Variants in WNK1 observed in about 807,000 individuals in gnomAD.
WNK1 encodes WNK lysine deficient protein kinase 1, also known as serine/threonine-protein kinase WNK1.
WNK1 carries 38 observed loss-of-function variants against 222.8 expected under a neutral mutation model. The observed-to-expected ratio is 0.17, with a 90% CI of 0.13 to 0.22. WNK1 has a LOEUF of 0.22. WNK1 is among the 10% of genes least tolerant of loss of function. The pLI, the probability that WNK1 is intolerant of heterozygous loss-of-function variation, is 1.00. For synonymous variants in WNK1, 1,090 were observed against 1,092.9 expected (o/e 1.00, Z 0.05); for missense variants, 2,348 against 2,918.4 (o/e 0.80, Z 4.50).
intron 2 of WNK1, among the ~76,000 whole-genome samples, chr12:819,869 A>G (rs1434298946): frequency 6.6e-6 from 1 of 152,116 alleles, no homozygotes; most frequent in Non-Finnish European, 1.5e-5. Flanking sequence ...AAATTATTTA[A>G]TCATATGTAT....
At chr12:899,300 T>TTTTTTGTTTTTG (rs1555159999) in intron 25 of WNK1, among the ~76,000 whole-genome samples, 8 of 151,396 alleles carry the variant, frequency 5.3e-5, no homozygotes, top group African/African-American at 1.9e-4. Flanking sequence ...CAATCAGATC[T>TTTTTTGTTTTTG]TTTTTGTTTT....
chr12:863,488 C>T (rs1354286902), intron 8 of WNK1, among the ~76,000 whole-genome samples: 2 of 151,978 alleles, frequency 1.3e-5, no homozygotes, highest in African/African-American at 4.8e-5. Flanking sequence ...TACTTGTCAG[C>T]ATTTCTTGTC....
chr12:911,317 G>T lies in WNK1; in HGVS notation c.*2525G>T, dbSNP rs182657421. 399 of 398,516 alleles carry T rather than the reference G, an allele frequency of 1.0e-3. 5 individuals carry two copies. The highest frequency in any genetic ancestry group is 1.9e-4 in the Non-Finnish European group (42 of 226,070). 24.7% of individuals were successfully genotyped at this position (398,516 alleles called of 1,614,324 possible). ...AAATTCAAACTTTGGGGGTTTCTCA[G>T]CAGCCGTTAATTGTACATTTTGCAC... is the stretch of plus-strand genomic sequence containing the variant. On this transcript the variant is annotated 3_prime_UTR_variant, in exon 28 of 28. Transcript: ENST00000315939.
chr12:753,456 G>A lies in WNK1; in HGVS notation c.-110G>A. On this transcript the variant is annotated 5_prime_UTR_variant, in exon 1 of 28. Coordinates refer to ENST00000315939, the MANE Select transcript of WNK1 (RefSeq NM_018979.4). This position sits in a 1 kb window ranked among gnomAD's most constrained non-coding sequence, Gnocchi z 5.2. The stretch of plus-strand genomic sequence containing the variant: ...AGTGAGGCGTCGTCCGGGTCGGCGC[G>A]AACCCGCCCGGCCGCGGTTCCCTGC... 6.7e-7 allele frequency: 1 copy of A among 1,484,316 alleles called. No homozygotes were observed. Among genetic ancestry groups the A allele is most frequent in the Non-Finnish European group, 9.1e-7 (1 of 1,094,050 alleles). 91.9% of individuals were successfully genotyped at this position (1,484,316 alleles called of 1,614,324 possible). A position where few individuals can be genotyped will look rare whatever the true frequency, so the allele number is the denominator to read the frequency against.
intron 1 of WNK1, among the ~76,000 whole-genome samples, chr12:759,479 C>T (rs974309160): frequency 2.7e-5 from 4 of 146,712 alleles, no homozygotes; most frequent in East Asian, 2.0e-4. Flanking sequence ...TACAGGCGAG[C>T]GCCACCACGC....
chr12:901,455 C>A, intron 26 of WNK1: 1 of 624,808 alleles, frequency 1.6e-6, no homozygotes, highest in Non-Finnish European at 2.3e-6. Context: ...CTTCTGTGTG[C>A]CATCTTAGTG....
intron 15 of WNK1, 148 bp downstream of exon 15, chr12:883,207 G>A (rs1335346811): frequency 2.1e-6 from 2 of 956,768 alleles, no homozygotes; most frequent in Middle Eastern, 2.2e-4. Flanking sequence ...CACCCAACCT[G>A]TGATTTAGTG....
intron 1 of WNK1, among the ~76,000 whole-genome samples, chr12:769,792 G>A (rs1185926779): frequency 6.6e-6 from 1 of 152,110 alleles, no homozygotes; most frequent in Non-Finnish European, 1.5e-5. Flanking sequence ...CAGTTCTGTA[G>A]GCCTAGAAGT....
At chr12:851,632 T>C (rs1364952073) in intron 4 of WNK1, 12 of 1,286,252 alleles carry the variant, frequency 9.3e-6, no homozygotes, top group South Asian at 2.5e-5. Flanking sequence ...TGGGCTGATG[T>C]ACATCAGAGA....
intron 4 of WNK1, among the ~76,000 whole-genome samples, chr12:854,677 A>G (rs1247651323): frequency 6.6e-6 from 1 of 152,176 alleles, no homozygotes. Flanking sequence ...AAGAAAGTTT[A>G]TGCAGTTTTT....
chr12:855,110 TAA>T (rs750715329), intron 4 of WNK1, among the ~76,000 whole-genome samples: 1 of 152,236 alleles, frequency 6.6e-6, no homozygotes, highest in East Asian at 1.9e-4. Flanking sequence ...CCTATTTTCA[TAA>T]GTCTTAAGTT....
intron 1 of WNK1, among the ~76,000 whole-genome samples, chr12:794,758 G>A (rs1348139820): frequency 1.3e-5 from 2 of 152,048 alleles, no homozygotes; most frequent in Non-Finnish European, 2.9e-5. Flanking sequence ...AAATATTTAT[G>A]TATTCATTTA....
chr12:813,821 T>A lies in WNK1; in HGVS notation c.932+7T>A, dbSNP rs371166762. ...CGTCTGGAACACTTAAAACGTAAGT[T>A]CATCAGTATTACAAAAGCTGACCAA... On this transcript the variant is annotated splice_region_variant and intron_variant, in intron 2 of 27. Transcript: ENST00000315939. 1.4e-5 allele frequency: 22 copies of A among 1,613,272 alleles called. No individual in the cohort carries two copies. Among genetic ancestry groups the A allele is most frequent in the Non-Finnish European group, 1.8e-5 (21 of 1,179,652 alleles).
chr12:763,045 C>G (rs901786072), intron 1 of WNK1, among the ~76,000 whole-genome samples: 1 of 146,820 alleles, frequency 6.8e-6, no homozygotes, highest in African/African-American at 2.4e-5. Flanking sequence ...CACTCCTGGT[C>G]CGTATTTTTA....
At position 753,476 on chromosome 12, in the gene WNK1, C is replaced by T; in HGVS notation, c.-90C>T. 1 of 1,569,022 alleles carries T rather than the reference C, an allele frequency of 6.4e-7. No individual in the cohort carries two copies. Among genetic ancestry groups the T allele is most frequent in the Non-Finnish European group, 8.7e-7 (1 of 1,154,044 alleles). On this transcript the variant is annotated 5_prime_UTR_variant, in exon 1 of 28. Transcript: ENST00000315939. The surrounding 1 kb of genome is among the most constrained non-coding windows in gnomAD (Gnocchi z 5.2). ...GGCGCGAACCCGCCCGGCCGCGGTT[C>T]CCTGCAGACCTCTGCGCGGGCGGCT...
rs1261069102 is a variant in WNK1, at chr12:889,169, T to C, written c.5394T>C (p.Ala1798=). Residue 1798 remains alanine, a synonymous_variant, in exon 21 of 28, where the codon GCT becomes GCC. Coordinates refer to ENST00000315939, the MANE Select transcript of WNK1 (RefSeq NM_018979.4). ...QSQQPLEDLD[A]QLRRTLSPEM... ...AGCAACCTCTAGAGGATCTTGATGC[T>C]CAATTGAGAAGAACACTTAGTCCAG... is the stretch of plus-strand genomic sequence containing the variant. 1 of 1,614,130 alleles carries C rather than the reference T, an allele frequency of 6.2e-7. No individual in the cohort carries two copies. Among genetic ancestry groups the C allele is most frequent in the Non-Finnish European group, 8.5e-7 (1 of 1,179,988 alleles).
At chr12:887,591 A>G (rs1382140300) in intron 20 of WNK1, among the ~76,000 whole-genome samples, 1 of 152,136 alleles carries the variant, frequency 6.6e-6, no homozygotes, top group Non-Finnish European at 1.5e-5. Flanking sequence ...TCAGACCCAT[A>G]TAGCTCCCTT....
Position 754,228 on chromosome 12 carries a change from C to G in WNK1, c.663C>G (p.Leu221=), listed in dbSNP as rs1323697308. 6.2e-7 allele frequency: 1 copy of G among 1,613,770 alleles called. No homozygotes were observed. The highest frequency in any genetic ancestry group is 1.1e-5 in the South Asian group (1 of 91,090). Residue 221 remains leucine, a synonymous_variant, in exon 1 of 28, where the codon CTC becomes CTG. Transcript: ENST00000315939. ...AVGMSNDGRF[L]KFDIEIGRGS... Reference sequence around the variant, plus strand: ...GAATGTCTAACGATGGCCGCTTTCTCAAGTTTGACATCGAAATCGGCAGAG... The same window carrying G: ...GAATGTCTAACGATGGCCGCTTTCTGAAGTTTGACATCGAAATCGGCAGAG...
chr12:904,182 A>C (rs560655512), intron 26 of WNK1, among the ~76,000 whole-genome samples: 1 of 152,348 alleles, frequency 6.6e-6, no homozygotes, highest in African/African-American at 2.4e-5. Context: ...ACCTCAGTGC[A>C]GGGCATTACT....
Sources: gnomAD v4.1 joint callset for allele counts (sites outside exome capture counted in the v4.1 genomes callset) on GRCh38, gnomAD v4.1.1 for gene constraint, Gnocchi (gnomAD v3.1) non-coding constraint, MANE v1.5 for transcripts, NCBI Gene and HGNC (gene_info 2026-07-23, HGNC 2026-07-21) for gene names.